The following DACH1 variants were observed in gnomAD, a reference collection of about 807,000 sequenced individuals.
DACH1 encodes the protein dachshund homolog 1.
In DACH1, 12 loss-of-function variants were observed where a neutral mutation model predicts 54.2. The ratio of observed to expected loss-of-function variants is 0.22; its 90% CI spans 0.14 to 0.36. DACH1 has a LOEUF of 0.36. DACH1 is among the 10% of genes least tolerant of loss of function. The pLI is 1.00. For synonymous variants in DACH1, 386 were observed against 366.2 expected (o/e 1.05, Z -0.62); for missense variants, 805 against 929.8 (o/e 0.87, Z 1.75).
intron 10 of DACH1, among the ~76,000 whole-genome samples, chr13:71,441,343 A>T (rs1247284498): frequency 1.3e-5 from 2 of 152,104 alleles, no homozygotes; most frequent in Non-Finnish European, 2.9e-5. Flanking sequence ...AATCTTAGAG[A>T]CATCGAATAA....
chr13:71,779,203 ATGT>A (rs1886229858), intron 1 of DACH1, among the ~76,000 whole-genome samples: 1 of 108,294 alleles, frequency 9.2e-6, no homozygotes, highest in Admixed American at 8.9e-5. Context: ...ATACGTATAT[ATGT>A]GTATATATAT....
At chr13:71,516,461 G>A (rs769213281) in intron 6 of DACH1, among the ~76,000 whole-genome samples, 4 of 151,750 alleles carry the variant, frequency 2.6e-5, no homozygotes, top group East Asian at 1.9e-4. Flanking sequence ...CCAAGATCAC[G>A]TACCTGTATT....
chr13:71,749,844 C>T (rs1884843316), intron 1 of DACH1, among the ~76,000 whole-genome samples: 1 of 152,072 alleles, frequency 6.6e-6, no homozygotes, highest in Non-Finnish European at 1.5e-5. Context: ...ATTTTGAAAA[C>T]AAGCATCATG....
chr13:71,586,538 CTATT>C (rs1356819994), intron 3 of DACH1, among the ~76,000 whole-genome samples: 1 of 152,044 alleles, frequency 6.6e-6, no homozygotes, highest in African/African-American at 2.4e-5. Flanking sequence ...GTATTACACA[CTATT>C]TATTACTATT....
intron 6 of DACH1, among the ~76,000 whole-genome samples, chr13:71,544,434 A>C (rs1184698840): frequency 6.6e-6 from 1 of 152,140 alleles, no homozygotes; most frequent in Non-Finnish European, 1.5e-5. Context: ...CTTTTTAGCA[A>C]CAAGCACAGT....
In DACH1 at chr13:71,444,130, TTCTG is replaced by T. The variant is rs199956431; in HGVS notation, c.2084-3442_2084-3439del. On this transcript the variant is annotated intron_variant, in intron 10 of 10. Transcript: ENST00000613252. ...TTATAAAAATAAACAGAACAAAAAT[TTCTG>T]TCTTTCGTATATTTACTACCACTTG... Among the ~76,000 whole-genome samples, 198 of 152,242 alleles carry T rather than the reference TTCTG, an allele frequency of 1.3e-3. 1 individual carries two copies. The East Asian group carries it at 0.03, about 23-fold the overall frequency.
chr13:71,677,707 G>C (rs75301786), intron 2 of DACH1, among the ~76,000 whole-genome samples: 1 of 151,944 alleles, frequency 6.6e-6, no homozygotes, highest in African/African-American at 2.4e-5. Flanking sequence ...AATAGGTGTT[G>C]TTTGTTTGGT....
intron 1 of DACH1, among the ~76,000 whole-genome samples, chr13:71,815,881 C>A (rs924735244): frequency 6.6e-6 from 1 of 151,822 alleles, no homozygotes; most frequent in Non-Finnish European, 1.5e-5. Context: ...GTCAGGAGAT[C>A]GAGACCATCC....
intron 6 of DACH1, among the ~76,000 whole-genome samples, chr13:71,529,340 C>G (rs985851256): frequency 6.6e-6 from 1 of 151,972 alleles, no homozygotes. Context: ...GCGCTTGACA[C>G]CACGCCCAGC....
intron 5 of DACH1, among the ~76,000 whole-genome samples, chr13:71,558,353 G>C (rs1884385283): frequency 6.6e-6 from 1 of 151,928 alleles, no homozygotes; most frequent in South Asian, 2.1e-4. Context: ...ATATGTATGT[G>C]TGTGGATGTG....
At chr13:71,587,862 CATA>C (rs1203380694) in intron 3 of DACH1, among the ~76,000 whole-genome samples, 1 of 151,964 alleles carries the variant, frequency 6.6e-6, no homozygotes, top group African/African-American at 2.4e-5. Context: ...AATTCAAAAA[CATA>C]ATAAACTCTC....
At chr13:71,459,932 C>A (rs1198909840) in intron 10 of DACH1, among the ~76,000 whole-genome samples, 1 of 151,914 alleles carries the variant, frequency 6.6e-6, no homozygotes, top group Non-Finnish European at 1.5e-5. Flanking sequence ...TTAGGAAAAT[C>A]ACTGGAAAGG....
At chr13:71,662,346 A>G (rs1049768735) in intron 2 of DACH1, among the ~76,000 whole-genome samples, 2 of 151,994 alleles carry the variant, frequency 1.3e-5, no homozygotes, top group Non-Finnish European at 1.5e-5. Flanking sequence ...AAATATAACA[A>G]CCATAAATGA....
intron 2 of DACH1, among the ~76,000 whole-genome samples, chr13:71,653,098 A>C (rs1878800042): frequency 6.6e-6 from 1 of 152,176 alleles, no homozygotes; most frequent in African/African-American, 2.4e-5. Context: ...TATTTGACTA[A>C]TTTTGACCTA....
intron 6 of DACH1, among the ~76,000 whole-genome samples, chr13:71,499,111 G>GCA (rs140335206): frequency 0.15 from 18,924 of 125,840 alleles, 1,662 homozygotes; most frequent in South Asian, 0.46. Context: ...GCGAGCACGC[G>GCA]CACACACACA....
chr13:71,670,957 T>C (rs1246575360), intron 2 of DACH1, among the ~76,000 whole-genome samples: 1 of 152,100 alleles, frequency 6.6e-6, no homozygotes, highest in African/African-American at 2.4e-5. Flanking sequence ...CCTATGAATT[T>C]TGGCGATTGG....
intron 1 of DACH1, among the ~76,000 whole-genome samples, chr13:71,741,676 A>C (rs945170637): frequency 3.3e-5 from 5 of 152,150 alleles, no homozygotes; most frequent in Non-Finnish European, 4.4e-5. Context: ...AAATCTATAA[A>C]ATAAACTTAT....
intron 1 of DACH1, among the ~76,000 whole-genome samples, chr13:71,693,027 T>G (rs1282262886): frequency 1.3e-5 from 2 of 152,168 alleles, no homozygotes; most frequent in African/African-American, 2.4e-5. Context: ...TTATCTCATT[T>G]TTCTGTAATC....
intron 3 of DACH1, among the ~76,000 whole-genome samples, chr13:71,612,289 T>C (rs536344008): frequency 6.6e-6 from 1 of 152,234 alleles, no homozygotes; most frequent in African/African-American, 2.4e-5. Context: ...CAATTCCTTA[T>C]GTTATATTAT....
Sources: gnomAD v4.1 joint callset for allele counts (sites outside exome capture counted in the v4.1 genomes callset) on GRCh38, gnomAD v4.1.1 for gene constraint, MANE v1.5 for transcripts, NCBI Gene and HGNC (gene_info 2026-07-23, HGNC 2026-07-21) for gene names.